The following RABGAP1L variants were observed in gnomAD, a reference collection of about 807,000 sequenced individuals.
RABGAP1L encodes RAB GTPase activating protein 1 like.
In RABGAP1L, 63 loss-of-function variants were observed where a neutral mutation model predicts 137.7. The observed-to-expected ratio is 0.46, with a 90% CI of 0.37 to 0.56. RABGAP1L has a LOEUF of 0.56. Ranked by LOEUF, RABGAP1L falls within the 20% of genes least tolerant of loss-of-function variation. The pLI is 0.00. For missense variants in RABGAP1L, 1,095 were observed against 1,244.0 expected (o/e 0.88, Z 1.80); for synonymous variants, 431 against 433.7 (o/e 0.99, Z 0.08).
chr1:174,289,570 A>G (rs1236462259), intron 10 of RABGAP1L, among the ~76,000 whole-genome samples: 1 of 152,202 alleles, frequency 6.6e-6, no homozygotes, highest in Non-Finnish European at 1.5e-5. Context: ...ATATCATTGT[A>G]TTAGTGTCTG....
chr1:174,422,545 G>T (rs1245946198), intron 13 of RABGAP1L, among the ~76,000 whole-genome samples: 2 of 152,090 alleles, frequency 1.3e-5, no homozygotes, highest in Admixed American at 1.3e-4. Context: ...AGTTAGGCCA[G>T]TAATAATTCT....
At chr1:174,543,302 G>A (rs1665656289) in intron 13 of RABGAP1L, among the ~76,000 whole-genome samples, 1 of 152,102 alleles carries the variant, frequency 6.6e-6, no homozygotes, top group Non-Finnish European at 1.5e-5. Context: ...TATATATTTA[G>A]GATAGTTAGT....
chr1:174,621,941 T>C (rs914264632), intron 13 of RABGAP1L, among the ~76,000 whole-genome samples: 8 of 152,172 alleles, frequency 5.3e-5, no homozygotes, highest in African/African-American at 9.7e-5. Context: ...AGAAAATTTT[T>C]GCCATCTACT....
At chr1:174,960,065 A>T (rs1379219548) in intron 20 of RABGAP1L, among the ~76,000 whole-genome samples, 2 of 152,206 alleles carry the variant, frequency 1.3e-5, no homozygotes, top group Admixed American at 1.3e-4. Context: ...GCATTGAGTG[A>T]GAACTTGCAC....
intron 13 of RABGAP1L, among the ~76,000 whole-genome samples, chr1:174,399,793 C>G (rs533209425): frequency 6.6e-6 from 1 of 152,072 alleles, no homozygotes; most frequent in Non-Finnish European, 1.5e-5. Flanking sequence ...GCTTATAAAA[C>G]CATCAGATCT....
At chr1:174,618,366 G>A (rs561288608) in intron 13 of RABGAP1L, among the ~76,000 whole-genome samples, 3 of 152,208 alleles carry the variant, frequency 2.0e-5, no homozygotes, top group East Asian at 1.9e-4. Flanking sequence ...TCTGACCCAC[G>A]CGTAGCCTAA....
intron 13 of RABGAP1L, among the ~76,000 whole-genome samples, chr1:174,522,228 G>C (rs1250963449): frequency 2.0e-5 from 3 of 152,174 alleles, no homozygotes; most frequent in Non-Finnish European, 4.4e-5. Flanking sequence ...TGTGGATATT[G>C]CAGAACAGCA....
chr1:174,477,042 T>A (rs1317917639), intron 13 of RABGAP1L, among the ~76,000 whole-genome samples: 1 of 152,140 alleles, frequency 6.6e-6, no homozygotes, highest in Non-Finnish European at 1.5e-5. Flanking sequence ...TTCTTAGACC[T>A]AAGGGTGATA....
chr1:174,947,326 G>A (rs896133898), intron 19 of RABGAP1L, among the ~76,000 whole-genome samples: 3 of 151,032 alleles, frequency 2.0e-5, no homozygotes, highest in Non-Finnish European at 4.4e-5. Context: ...GACCTCAGGT[G>A]ATCCACCTGC....
intron 12 of RABGAP1L, among the ~76,000 whole-genome samples, chr1:174,383,924 C>G (rs1032245950): frequency 2.0e-5 from 3 of 152,174 alleles, no homozygotes; most frequent in South Asian, 2.1e-4. Context: ...ACCACCCCAG[C>G]AATTCCAGTC....
rs1031669437 is a variant in RABGAP1L at position 174,459,805 on chromosome 1, G to T, written c.1710+65660G>T. Among the ~76,000 whole-genome samples, 4 of 152,088 alleles carry T rather than the reference G, an allele frequency of 2.6e-5. No individual in the cohort carries two copies. The South Asian group carries it at 6.2e-4, about 24-fold the overall frequency. On this transcript the variant is annotated intron_variant, in intron 13 of 25. Coordinates refer to ENST00000681986, the MANE Select transcript of RABGAP1L (RefSeq NM_001366446.1). ...TTTCAGTACTGTTTAAAGTCACTGA[G>T]ATAGTAGAGCCATCATTAGAACCCA...
In RABGAP1L at chr1:174,453,205, G is replaced by A. The variant is rs116247927; in HGVS notation, c.1710+59060G>A. 3.8e-3 allele frequency among the ~76,000 whole-genome samples: 583 copies of A among 152,168 alleles called. 4 individuals carry two copies. Among genetic ancestry groups the A allele is most frequent in the African/African-American group, 0.012 (501 of 41,484 alleles). On this transcript the variant is annotated intron_variant, in intron 13 of 25. Coordinates refer to ENST00000681986, the MANE Select transcript of RABGAP1L (RefSeq NM_001366446.1). ...TGCTTAAACATTTTATTCTCGTTAG[G>A]GAAGTAATAATAGGAAGGATTGTCC... is the stretch of plus-strand genomic sequence containing the variant.
intron 1 of RABGAP1L, among the ~76,000 whole-genome samples, chr1:174,164,039 G>A (rs977859209): frequency 9.9e-5 from 15 of 152,184 alleles, no homozygotes; most frequent in African/African-American, 3.4e-4. Context: ...GTGGGAACAT[G>A]AGCACAAATA....
intron 13 of RABGAP1L, among the ~76,000 whole-genome samples, chr1:174,626,019 G>T (rs923473528): frequency 2.0e-5 from 3 of 152,090 alleles, no homozygotes; most frequent in Non-Finnish European, 1.5e-5. Context: ...TTATAACTTC[G>T]GAAAGTAACA....
intron 19 of RABGAP1L, among the ~76,000 whole-genome samples, chr1:174,906,952 A>G (rs1456395085): frequency 7.9e-5 from 12 of 152,152 alleles, no homozygotes; most frequent in Admixed American, 7.9e-4. Context: ...ACTATCCTTC[A>G]CATATGAAGG....
At chr1:174,786,890 A>G (rs1379753247) in intron 18 of RABGAP1L, among the ~76,000 whole-genome samples, 1 of 152,180 alleles carries the variant, frequency 6.6e-6, no homozygotes, top group African/African-American at 2.4e-5. Flanking sequence ...CATTTACTCA[A>G]TATGTATTTA....
intron 5 of RABGAP1L, among the ~76,000 whole-genome samples, chr1:174,242,475 T>C (rs1671907709): frequency 1.3e-5 from 2 of 152,242 alleles, no homozygotes; most frequent in Non-Finnish European, 1.5e-5. Flanking sequence ...CAGAAAATGC[T>C]GAAAGCAATA....
intron 17 of RABGAP1L, among the ~76,000 whole-genome samples, chr1:174,748,102 G>A (rs921316716): frequency 7.2e-5 from 11 of 151,970 alleles, no homozygotes; most frequent in Non-Finnish European, 1.3e-4. Flanking sequence ...GAGCTATTTT[G>A]GCTATTTAGA....
At chr1:174,544,442 T>C (rs1273219561) in intron 13 of RABGAP1L, among the ~76,000 whole-genome samples, 1 of 152,204 alleles carries the variant, frequency 6.6e-6, no homozygotes, top group Non-Finnish European at 1.5e-5. Flanking sequence ...GGTTTTCAGC[T>C]CCATCAGGTC....
Sources: gnomAD v4.1 joint callset for allele counts (sites outside exome capture counted in the v4.1 genomes callset) on GRCh38, gnomAD v4.1.1 for gene constraint, MANE v1.5 for transcripts, NCBI Gene and HGNC (gene_info 2026-07-23, HGNC 2026-07-21) for gene names.